CPED1: variants seen among roughly 807,000 people sequenced by gnomAD.
CPED1 encodes the protein cadherin-like and PC-esterase domain-containing protein 1.
In CPED1, 114 loss-of-function variants were observed where a neutral mutation model predicts 128.2. The ratio of observed to expected loss-of-function variants is 0.89; its 90% CI spans 0.76 to 1.04. CPED1 has a LOEUF of 1.04. Ranked by LOEUF, CPED1 falls within the 50% of genes least tolerant of loss-of-function variation. The pLI, the probability that CPED1 is intolerant of heterozygous loss-of-function variation, is 0.00. For synonymous variants in CPED1, 462 were observed against 426.7 expected, an observed-to-expected ratio of 1.08 and a Z score of -1.02; for missense variants, 1,211 against 1,207.1, an observed-to-expected ratio of 1.00 and a Z score of -0.05.
At chr7:121,062,704 C>T (rs1793705758) in intron 4 of CPED1, 1 of 152,042 alleles carries the variant, frequency 6.6e-6, no homozygotes, top group Non-Finnish European at 1.5e-5. Context: ...CCACCCAAAT[C>T]TCATCCGGAA....
intron 2 of CPED1, among the ~76,000 whole-genome samples, chr7:120,998,927 T>G (rs888019985): frequency 6.6e-6 from 1 of 152,066 alleles, no homozygotes; most frequent in African/African-American, 2.4e-5. Flanking sequence ...TTTTGGACCC[T>G]GAGTAACATA....
At chr7:121,169,742 A>G (rs1796608342) in intron 16 of CPED1, among the ~76,000 whole-genome samples, 1 of 152,200 alleles carries the variant, frequency 6.6e-6, no homozygotes, top group South Asian at 2.1e-4. Context: ...GTGGCAACTA[A>G]AGTGATTCTT....
intron 4 of CPED1, among the ~76,000 whole-genome samples, chr7:121,056,748 C>T (rs1793509294): frequency 6.6e-6 from 1 of 152,054 alleles, no homozygotes; most frequent in African/African-American, 2.4e-5. Context: ...TCTTGGTTTG[C>T]TCTCTAATTC....
At chr7:121,097,374 A>G (rs2116212233) in intron 5 of CPED1, among the ~76,000 whole-genome samples, 1 of 152,212 alleles carries the variant, frequency 6.6e-6, no homozygotes, top group East Asian at 1.9e-4. Flanking sequence ...CCCCTCATTG[A>G]GAATGCATCC....
At chr7:121,161,838 G>T (rs1211273003) in intron 16 of CPED1, among the ~76,000 whole-genome samples, 1 of 152,140 alleles carries the variant, frequency 6.6e-6, no homozygotes, top group Non-Finnish European at 1.5e-5. Flanking sequence ...CATTAAGAAA[G>T]GGGGTAGGTT....
chr7:121,071,008 G>T (rs1793975297), intron 5 of CPED1, among the ~76,000 whole-genome samples: 2 of 152,090 alleles, frequency 1.3e-5, no homozygotes, highest in South Asian at 4.2e-4. Flanking sequence ...TGCTCACAGG[G>T]CCTTGGCATG....
chr7:121,293,672 C>T (rs550002203), intron 22 of CPED1, among the ~76,000 whole-genome samples: 39 of 152,228 alleles, frequency 2.6e-4, no homozygotes, highest in African/African-American at 8.2e-4. Context: ...CTGCGGGTTG[C>T]GAAGACTGGG....
At chr7:121,131,832 T>G (rs1795678177) in intron 12 of CPED1, among the ~76,000 whole-genome samples, 1 of 152,066 alleles carries the variant, frequency 6.6e-6, no homozygotes, top group Non-Finnish European at 1.5e-5. Context: ...TATTTCAGTA[T>G]GATTACATAA....
At chr7:121,031,758 GATTTTCACATCAGTTGAAAATA>G (rs1792741122) in intron 3 of CPED1, among the ~76,000 whole-genome samples, 1 of 151,898 alleles carries the variant, frequency 6.6e-6, no homozygotes, top group Admixed American at 6.6e-5. Flanking sequence ...TAAAAATTTT[GATTTTCACATCAGTTGAAAATA>G]TATTATTGAC....
intron 4 of CPED1, among the ~76,000 whole-genome samples, chr7:121,060,107 C>T (rs560827821): frequency 1.3e-5 from 2 of 152,330 alleles, no homozygotes; most frequent in African/African-American, 4.8e-5. Flanking sequence ...AGGGGCTTAG[C>T]ACCCGGGCCA....
intron 16 of CPED1, among the ~76,000 whole-genome samples, chr7:121,144,265 T>C (rs1795971682): frequency 6.6e-6 from 1 of 152,084 alleles, no homozygotes; most frequent in South Asian, 2.1e-4. Flanking sequence ...TTATTCACAA[T>C]AGCCAAGATA....
intron 8 of CPED1, 82 bp downstream of exon 8, chr7:121,124,555 C>A (rs1795459773): frequency 1.8e-6 from 2 of 1,121,796 alleles, no homozygotes; most frequent in Non-Finnish European, 1.2e-6. Flanking sequence ...GGAAATGTAT[C>A]TTAATTATCA....
chr7:121,066,324 G>GT (rs1240164419), intron 5 of CPED1, among the ~76,000 whole-genome samples: 1 of 151,516 alleles, frequency 6.6e-6, no homozygotes, highest in Non-Finnish European at 1.5e-5. Flanking sequence ...TTTGTTTTTT[G>GT]TTTTTTTAAT....
intron 18 of CPED1, among the ~76,000 whole-genome samples, chr7:121,245,898 G>T (rs1045167195): frequency 6.6e-6 from 1 of 152,062 alleles, no homozygotes; most frequent in East Asian, 1.9e-4. Flanking sequence ...CACTATGTTG[G>T]CCAGGGCTGG....
intron 12 of CPED1, among the ~76,000 whole-genome samples, chr7:121,131,469 T>A (rs1406785592): frequency 1.3e-5 from 2 of 151,924 alleles, no homozygotes; most frequent in Non-Finnish European, 2.9e-5. Context: ...ACAGACTTGA[T>A]TTCCACAGGA....
intron 22 of CPED1, among the ~76,000 whole-genome samples, chr7:121,291,951 T>C (rs1475155492): frequency 6.6e-6 from 1 of 152,080 alleles, no homozygotes; most frequent in African/African-American, 2.4e-5. Flanking sequence ...CATAAATAGC[T>C]CTTATTATTT....
At chr7:120,990,829 G>T (rs1002614075) in intron 2 of CPED1, among the ~76,000 whole-genome samples, 1 of 152,118 alleles carries the variant, frequency 6.6e-6, no homozygotes, top group Non-Finnish European at 1.5e-5. Flanking sequence ...CACCAGCTCC[G>T]TTGCTACCAT....
At chr7:121,254,414 T>C (rs1425793733) in intron 18 of CPED1, among the ~76,000 whole-genome samples, 1 of 152,008 alleles carries the variant, frequency 6.6e-6, no homozygotes, top group African/African-American at 2.4e-5. Flanking sequence ...AAAGTTGTGT[T>C]AAGAGGACAG....
intron 18 of CPED1, among the ~76,000 whole-genome samples, chr7:121,253,457 T>TAAA (rs1798734938): frequency 6.7e-6 from 1 of 150,240 alleles, no homozygotes; most frequent in Admixed American, 6.6e-5. Flanking sequence ...AAACTTAAAG[T>TAAA]ATAATAATAA....
Sources: gnomAD v4.1 joint callset for allele counts (sites outside exome capture counted in the v4.1 genomes callset) on GRCh38, gnomAD v4.1.1 for gene constraint, MANE v1.5 for transcripts, NCBI Gene and HGNC (gene_info 2026-07-23, HGNC 2026-07-21) for gene names.